Variants in HEATR4 observed in about 807,000 individuals in gnomAD.
HEATR4 encodes the protein HEAT repeat-containing protein 4.
In HEATR4, 95 loss-of-function variants were observed where a neutral mutation model predicts 108.8. The ratio of observed to expected loss-of-function variants is 0.87; its 90% CI spans 0.74 to 1.04. HEATR4 has a LOEUF of 1.04. HEATR4 is among the 50% of genes least tolerant of loss of function. The pLI, the probability that HEATR4 is intolerant of heterozygous loss-of-function variation, is 0.00. For missense variants in HEATR4, 1,152 were observed against 1,253.8 expected, an observed-to-expected ratio of 0.92 and a Z score of 1.23; for synonymous variants, 443 against 459.4, an observed-to-expected ratio of 0.96 and a Z score of 0.46.
chr14:73,569,811 T>C, the HEATR4 span: 1 of 1,601,530 alleles, frequency 6.2e-7, no homozygotes. Context: ...CGAGCGCTAC[T>C]TCCTCCCGCC....
intron 17 of HEATR4, among the ~76,000 whole-genome samples, chr14:73,485,690 T>C (rs1039011499): frequency 3.9e-5 from 6 of 152,128 alleles, no homozygotes; most frequent in African/African-American, 1.2e-4. Flanking sequence ...CTGGCCAACA[T>C]GGCAAAACTC....
chr14:73,617,181 C>T, the HEATR4 span: 7 of 1,614,164 alleles, frequency 4.3e-6, no homozygotes, highest in Non-Finnish European at 5.9e-6. Context: ...CTTTATGCTG[C>T]AGCATCCAAA....
chr14:73,630,809 T>C, the HEATR4 span, among the ~76,000 whole-genome samples: 1 of 152,256 alleles, frequency 6.6e-6, no homozygotes, highest in African/African-American at 2.4e-5. Flanking sequence ...CTAGTTTTTA[T>C]GGCTAGCCTC....
At chr14:73,496,135 A>G (rs752190718) in intron 15 of HEATR4, among the ~76,000 whole-genome samples, 8 of 150,916 alleles carry the variant, frequency 5.3e-5, no homozygotes, top group Admixed American at 1.3e-4. Flanking sequence ...CCCCCCCTCA[A>G]AAAAAAAAGC....
Position 73,508,225 on chromosome 14 carries a change from A to T in HEATR4, c.1790T>A (p.Ile597Asn). ...AAACAGCTGGTGGAGGATCCTCTTA[A>T]TCACAGGGTAAGTAGCAGTACCTTC... ...ALEGTATYPV[I>N]KRILHQLFTK... is the part of the protein sequence containing the mutation. Residue 597 changes from isoleucine to asparagine, a missense_variant, in exon 9 of 18, where the codon ATT becomes AAT. By Grantham distance (149) the Ile-to-Asn change is moderately radical. Coordinates refer to ENST00000553558, the MANE Select transcript of HEATR4 (RefSeq NM_001220484.1). 6.2e-7 allele frequency: 1 copy of T among 1,613,978 alleles called. No homozygotes were observed. Among genetic ancestry groups the T allele is most frequent in the East Asian group, 2.2e-5 (1 of 44,858 alleles).
rs1566832286 is a variant in HEATR4 at position 73,509,854 on chromosome 14, ATATATATATATATATT to A, written c.1559-397_1559-382del. ...TATATATATATATATATATATATAT[ATATATATATATATATT>A]TATTTATTTTATATATTTTTTGAGA... On this transcript the variant is annotated intron_variant, in intron 7 of 17. Coordinates refer to ENST00000553558, the MANE Select transcript of HEATR4 (RefSeq NM_001220484.1). Among the ~76,000 whole-genome samples the A allele has an allele frequency of 2.4e-4, 14 of 58,574 alleles. 1 individual carries two copies. Among genetic ancestry groups the A allele is most frequent in the African/African-American group, 5.9e-4 (8 of 13,656 alleles). The allele number at this position is 58,574 out of a possible 152,430, so 38.4% of individuals were successfully genotyped here.
At chr14:73,524,310 A>AAAAAAAAAAAAAAATAT in intron 2 of HEATR4, among the ~76,000 whole-genome samples, 1 of 54,780 alleles carries the variant, frequency 1.8e-5, no homozygotes, top group African/African-American at 8.8e-5. Flanking sequence ...AAAAAAAAAA[A>AAAAAAAAAAAAAAATAT]ATATATATAT....
rs183857605 is a variant in HEATR4 at position 73,557,275 on chromosome 14, G to A, written c.-152+1476C>T. Among the ~76,000 whole-genome samples, 710 of 113,978 alleles carry A rather than the reference G, an allele frequency of 6.2e-3. 77 individuals carry two copies. Among genetic ancestry groups the A allele is most frequent in the African/African-American group, 0.018 (651 of 35,276 alleles). 74.8% of individuals were successfully genotyped at this position (113,978 alleles called of 152,430 possible). On this transcript the variant is annotated intron_variant, in intron 1 of 17. Transcript: ENST00000553558. ...CTTCCTAGATCCCCAGCTGGAAAAC[G>A]TAGGAGTTGGACTAAATTCCTCTCC...
chr14:73,478,737 G>A lies in HEATR4; in HGVS notation c.2950C>T (p.Pro984Ser). 6.2e-7 allele frequency: 1 copy of A among 1,613,998 alleles called. No homozygotes were observed. Among genetic ancestry groups the A allele is most frequent in the Non-Finnish European group, 8.5e-7 (1 of 1,179,988 alleles). The change falls in exon 18 of 18, where the codon CCC becomes TCC. Residue 984 changes from proline to serine, a missense_variant. Coordinates refer to ENST00000553558, the MANE Select transcript of HEATR4 (RefSeq NM_001220484.1). ...SSLVKDLRTS[P>S]EKRIAVGPFR... ...GGTCCCACAGCAATCCTTTTCTCGG[G>A]GGAGGTGCGTAGATCTTTGACAAGT...
At chr14:73,573,631 G>A in the HEATR4 span, 1 of 1,610,424 alleles carries the variant, frequency 6.2e-7, no homozygotes, top group Middle Eastern at 1.7e-4. Context: ...GATGTATCAG[G>A]TCTCTTCTTA....
chr14:73,631,937 G>A, the HEATR4 span: 1 of 159,014 alleles, frequency 6.3e-6, no homozygotes, highest in Non-Finnish European at 1.4e-5. Flanking sequence ...CAGCCCGTGG[G>A]ACCAAAACAG....
At chr14:73,568,206 C>T in the HEATR4 span, 1 of 151,952 alleles carries the variant, frequency 6.6e-6, no homozygotes, top group African/African-American at 2.4e-5. Flanking sequence ...AAAAGGCTTA[C>T]CTTGAGGACA....
intron 2 of HEATR4, among the ~76,000 whole-genome samples, chr14:73,528,414 A>AAC (rs1888491723): frequency 6.7e-6 from 1 of 148,776 alleles, no homozygotes; most frequent in Non-Finnish European, 1.5e-5. Flanking sequence ...AAAAAAAAAA[A>AAC]CTTAAGGAAT....
the HEATR4 span, among the ~76,000 whole-genome samples, chr14:73,599,314 T>C: frequency 1.1e-4 from 16 of 152,204 alleles, no homozygotes; most frequent in Non-Finnish European, 1.9e-4. Context: ...TATGTGACTA[T>C]GTTTTCAGGT....
chr14:73,611,465 G>A, the HEATR4 span: 1 of 152,118 alleles, frequency 6.6e-6, no homozygotes, highest in Non-Finnish European at 1.5e-5. Flanking sequence ...TTTAAATCTT[G>A]CCCATGCCTT....
Position 73,492,599 on chromosome 14 carries a change from A to G in HEATR4, c.2844+467T>C, listed in dbSNP as rs1174045755. On this transcript the variant is annotated intron_variant, in intron 17 of 17. Coordinates refer to ENST00000553558, the MANE Select transcript of HEATR4 (RefSeq NM_001220484.1). The surrounding 1 kb of genome is among the most constrained non-coding windows in gnomAD (Gnocchi z 4.9). ...GGCACTAAGTGTTTACGGGCTTCCAATTCGCTGGGAGGCTGGAGAACCTGT... is the reference window on the plus strand; with the variant it reads ...GGCACTAAGTGTTTACGGGCTTCCAGTTCGCTGGGAGGCTGGAGAACCTGT... 1.1e-5 allele frequency: 18 copies of G among 1,613,846 alleles called. No individual in the cohort carries two copies. The highest frequency in any genetic ancestry group is 1.6e-4 in the Middle Eastern group (1 of 6,084).
rs771875260 is a variant in HEATR4, at chr14:73,491,027, C to T, written c.2844+2039G>A. The T allele has an allele frequency of 3.3e-5, 51 of 1,546,006 alleles. 1 individual carries two copies. In the South Asian group the frequency reaches 6.0e-4, roughly 18 times the overall value. On this transcript the variant is annotated intron_variant, in intron 17 of 17. Transcript: ENST00000553558. The stretch of plus-strand genomic sequence containing the variant: ...CTGGTGTGGTCTGGCCATGGATGGG[C>T]TCCAGGCCAGTGCAGGGCCGTTGAG...
chr14:73,577,557 C>T, the HEATR4 span, among the ~76,000 whole-genome samples: 1 of 147,788 alleles, frequency 6.8e-6, no homozygotes, highest in African/African-American at 2.5e-5. Context: ...TTTATCTTTT[C>T]CCTTGCAATT....
chr14:73,504,423 T>C (rs1886680975), intron 10 of HEATR4, among the ~76,000 whole-genome samples: 2 of 152,126 alleles, frequency 1.3e-5, no homozygotes, highest in African/African-American at 4.8e-5. Context: ...TTTTTATTTT[T>C]AGTAGAGACA....
Sources: gnomAD v4.1 joint callset for allele counts (sites outside exome capture counted in the v4.1 genomes callset) on GRCh38, gnomAD v4.1.1 for gene constraint, Gnocchi (gnomAD v3.1) non-coding constraint, MANE v1.5 for transcripts, NCBI Gene and HGNC (gene_info 2026-07-23, HGNC 2026-07-21) for gene names.